MEGF10: variants seen among roughly 807,000 people sequenced by gnomAD.
The protein encoded by MEGF10 is multiple epidermal growth factor-like domains protein 10.
A neutral mutation model predicts 147.5 loss-of-function variants in MEGF10; 86 were observed. The observed-to-expected ratio is 0.58, with a 90% confidence interval of 0.49 to 0.70. The LOEUF is 0.70. Among genes scored for constraint, MEGF10 ranks in the 30% least tolerant of loss-of-function variants. The probability of loss-of-function intolerance (pLI) is 0.00; values close to 1 mark genes in which losing one functional copy is unlikely to be tolerated. For synonymous variants in MEGF10, 478 were observed against 525.5 expected (o/e 0.91, Z 1.24); for missense variants, 1,329 against 1,487.3 (o/e 0.89, Z 1.75).
the MEGF10 span, among the ~76,000 whole-genome samples, chr5:127,270,923 G>A: frequency 6.6e-6 from 1 of 152,204 alleles, no homozygotes; most frequent in Non-Finnish European, 1.5e-5. Flanking sequence ...TGGCTGTATA[G>A]TATTCCATGG....
chr5:127,270,703 G>T, the MEGF10 span, among the ~76,000 whole-genome samples: 434 of 152,204 alleles, frequency 2.9e-3, 5 homozygotes, highest in African/African-American at 0.01. Flanking sequence ...TGTTCTTCCT[G>T]ATCCTCTTCC....
chr5:127,416,295 T>C (rs1561633069), intron 9 of MEGF10, among the ~76,000 whole-genome samples: 1 of 152,168 alleles, frequency 6.6e-6, no homozygotes, highest in Non-Finnish European at 1.5e-5. Context: ...CCCAAAGTGC[T>C]GGGATTACAA....
intron 1 of MEGF10, among the ~76,000 whole-genome samples, chr5:127,301,861 T>C (rs1759786150): frequency 6.6e-6 from 1 of 152,232 alleles, no homozygotes; most frequent in Non-Finnish European, 1.5e-5. Context: ...TCAGGTCTGC[T>C]TCTCATGAAA....
the MEGF10 span, among the ~76,000 whole-genome samples, chr5:127,247,202 T>G: frequency 2.8e-5 from 4 of 142,974 alleles, no homozygotes; most frequent in Non-Finnish European, 6.0e-5. Context: ...ACAAAACAAA[T>G]TTTAAATGAG....
intron 5 of MEGF10, among the ~76,000 whole-genome samples, chr5:127,381,054 T>A (rs1763241699): frequency 6.6e-6 from 1 of 152,204 alleles, no homozygotes; most frequent in Non-Finnish European, 1.5e-5. Flanking sequence ...AAGGAAGGTG[T>A]TTGAAAATCA....
the MEGF10 span, among the ~76,000 whole-genome samples, chr5:127,281,592 C>T: frequency 6.6e-6 from 1 of 152,222 alleles, no homozygotes; most frequent in Admixed American, 6.5e-5. Flanking sequence ...CTGCTTCCCG[C>T]TCTTCCTTCG....
intron 1 of MEGF10, among the ~76,000 whole-genome samples, chr5:127,298,544 T>A (rs1347955902): frequency 6.6e-6 from 1 of 152,176 alleles, no homozygotes; most frequent in African/African-American, 2.4e-5. Context: ...TAGATTTTGA[T>A]TCGGTAGGTG....
chr5:127,455,292 T>C (rs1281621179), intron 23 of MEGF10, 109 bp from the exon 24 acceptor site: 3 of 882,716 alleles, frequency 3.4e-6, no homozygotes, highest in Admixed American at 2.2e-5. Context: ...TTATTTTCAG[T>C]GTGTAGAATT....
At chr5:127,346,304 A>G (rs1346171404) in intron 4 of MEGF10, among the ~76,000 whole-genome samples, 1 of 152,168 alleles carries the variant, frequency 6.6e-6, no homozygotes, top group African/African-American at 2.4e-5. Flanking sequence ...TAGTGGTTGT[A>G]CTAGTTTATG....
chr5:127,417,701 G>A lies in MEGF10; in HGVS notation c.1194G>A (p.Glu398=), dbSNP rs1764829229. 1 of 1,614,136 alleles carries A rather than the reference G, an allele frequency of 6.2e-7. No individual in the cohort carries two copies. The highest frequency in any genetic ancestry group is 8.5e-7 in the Non-Finnish European group (1 of 1,180,018). Residue 398 remains glutamate (E), a synonymous_variant, in exon 10 of 25, where the codon GAG becomes GAA. Transcript: ENST00000503335. Reference sequence around the variant, plus strand: ...GCTGGTCAGGACTCTACTGTAATGAGACATGTTCTCCTGGATTCTACGGGG... The same window carrying A: ...GCTGGTCAGGACTCTACTGTAATGAAACATGTTCTCCTGGATTCTACGGGG... ...KPGWSGLYCN[E]TCSPGFYGEA... is the part of the protein sequence containing the mutation.
intron 4 of MEGF10, among the ~76,000 whole-genome samples, chr5:127,355,099 G>T (rs1469758046): frequency 6.6e-6 from 1 of 152,204 alleles, no homozygotes; most frequent in African/African-American, 2.4e-5. Context: ...GTGCAGGGAA[G>T]ATGCCTTGTT....
At chr5:127,316,753 T>C (rs1014759904) in intron 1 of MEGF10, among the ~76,000 whole-genome samples, 7 of 152,140 alleles carry the variant, frequency 4.6e-5, no homozygotes, top group Admixed American at 1.3e-4. Context: ...ATTCTGACAT[T>C]AAGGAGTCTG....
At chr5:127,410,694 C>A in intron 9 of MEGF10, 93 bp downstream of exon 9, 2 of 1,180,072 alleles carry the variant, frequency 1.7e-6, no homozygotes, top group Non-Finnish European at 2.4e-6. Flanking sequence ...GAGTGATTCT[C>A]ACCCCAAGCC....
rs142101245 is a variant in MEGF10, at chr5:127,368,111, G to A, written c.320-1799G>A. Among the ~76,000 whole-genome samples, 1,019 of 152,296 alleles carry A rather than the reference G, an allele frequency of 6.7e-3. 6 individuals are homozygous for A. The highest frequency in any genetic ancestry group is 0.011 in the Non-Finnish European group (772 of 68,020). ...CAAGTTCAAACACATACCTACAGGT[G>A]GAAGCAGACACTGAACCCTGAAGTT... On this transcript the variant is annotated intron_variant, in intron 4 of 24. Coordinates refer to ENST00000503335, the MANE Select transcript of MEGF10 (RefSeq NM_001256545.2).
At chr5:127,334,798 A>G (rs992544318) in intron 2 of MEGF10, among the ~76,000 whole-genome samples, 4 of 152,188 alleles carry the variant, frequency 2.6e-5, no homozygotes, top group Non-Finnish European at 5.9e-5. Context: ...CCAAACCTTC[A>G]ATTACTAACA....
At chr5:127,311,382 A>G (rs575711787) in intron 1 of MEGF10, among the ~76,000 whole-genome samples, 183 of 152,226 alleles carry the variant, frequency 1.2e-3, no homozygotes, top group Non-Finnish European at 2.3e-3. Context: ...AGAAGAATAT[A>G]TTTAAATGTT....
At chr5:127,354,887 G>T (rs1486348057) in intron 4 of MEGF10, among the ~76,000 whole-genome samples, 1 of 152,204 alleles carries the variant, frequency 6.6e-6, no homozygotes. Context: ...TCAGCCACAG[G>T]GGGGTCTGAT....
intron 7 of MEGF10, among the ~76,000 whole-genome samples, chr5:127,401,235 G>A (rs1245306899): frequency 2.0e-5 from 3 of 152,136 alleles, no homozygotes; most frequent in East Asian, 1.9e-4. Context: ...AGAGACTAGA[G>A]CGATTTTTAC....
chr5:127,455,754 A>T (rs1766341286), intron 24 of MEGF10, 147 bp downstream of exon 24: 1 of 626,166 alleles, frequency 1.6e-6, no homozygotes, highest in Non-Finnish European at 2.4e-6. Context: ...TATTTTATGT[A>T]TTTTTTGAGA....
Sources: allele counts gnomAD v4.1 joint callset (sites outside exome capture counted in the v4.1 genomes callset), GRCh38; gene constraint gnomAD v4.1.1; transcripts MANE v1.5; gene names NCBI Gene and HGNC (gene_info 2026-07-23, HGNC 2026-07-21).